The following HAUS3 variants were observed in gnomAD, a reference collection of about 807,000 sequenced individuals.
The protein encoded by HAUS3 is HAUS augmin like complex subunit 3, also known as HAUS augmin-like complex subunit 3.
HAUS3 carries 36 observed loss-of-function variants against 55.2 expected under a neutral mutation model. The ratio of observed to expected loss-of-function variants is 0.65; its 90% CI spans 0.50 to 0.86. The LOEUF is 0.86. Among genes scored for constraint, HAUS3 ranks in the 40% least tolerant of loss-of-function variants. The probability of loss-of-function intolerance (pLI) is 0.00; values close to 1 mark genes in which losing one functional copy is unlikely to be tolerated. For synonymous variants in HAUS3, 234 were observed against 238.6 expected (o/e 0.98, Z 0.18); for missense variants, 752 against 671.5 (o/e 1.12, Z -1.33).
rs1010541257 is a variant in HAUS3 at position 2,241,598 on chromosome 4, C to A, written c.-226G>T. ...GAGAACAGCAGGAGCAGCAGGGAAGCGCGCGGCCACAATTAAGGGTGCTTC... is the reference window on the plus strand; with the variant it reads ...GAGAACAGCAGGAGCAGCAGGGAAGAGCGCGGCCACAATTAAGGGTGCTTC... On this transcript the variant is annotated 5_prime_UTR_variant, in exon 2 of 6. Coordinates refer to ENST00000443786, the MANE Select transcript of HAUS3 (RefSeq NM_001303143.2). 1 of 985,646 alleles carries A rather than the reference C, an allele frequency of 1.0e-6. No individual in the cohort carries two copies. Among genetic ancestry groups the A allele is most frequent in the East Asian group, 1.1e-4 (1 of 8,818 alleles). 61.1% of individuals were successfully genotyped at this position (985,646 alleles called of 1,614,324 possible).
intron 5 of HAUS3, chr4:2,234,173 G>A (rs1734677169): frequency 6.6e-6 from 1 of 152,192 alleles, no homozygotes; most frequent in African/African-American, 2.4e-5. Flanking sequence ...ACTATTTAGA[G>A]AGTAAAAATG....
chr4:2,242,102 T>C lies in HAUS3; in HGVS notation c.-470A>G. On this transcript the variant is annotated 5_prime_UTR_variant, in exon 1 of 6. Transcript: ENST00000443786. ...AGGAGCCCGCCGCCACCGCCCTCCG[T>C]GCCCCGCGCGCCTCGCACTGCCTCA... The C allele has an allele frequency of 1.0e-6, 1 of 985,882 alleles. No homozygotes were observed. 61.1% of individuals were successfully genotyped at this position (985,882 alleles called of 1,614,324 possible).
rs1243207240 is a variant in HAUS3, at chr4:2,231,803, GTTCAA to G, written c.*119_*123del. ...AGAAAAAAGACAAATTAATATAATA[GTTCAA>G]TTCATCAAATTAAATGTTCCATTGA... On this transcript the variant is annotated 3_prime_UTR_variant, in exon 6 of 6. Transcript: ENST00000443786. 6.0e-5 allele frequency: 36 copies of G among 598,224 alleles called. No individual in the cohort carries two copies. Among genetic ancestry groups the G allele is most frequent in the African/African-American group, 3.9e-4 (20 of 50,882 alleles). 37.1% of individuals were successfully genotyped at this position (598,224 alleles called of 1,614,324 possible).
At position 2,238,804 on chromosome 4, in the gene HAUS3, T is replaced by C. The variant is rs1392178401; in HGVS notation, c.1149A>G (p.Ser383=). The change falls in exon 4 of 6, where the codon TCA becomes TCG. Residue 383 remains serine, a synonymous_variant. Transcript: ENST00000443786. ...VLNQLIKQKA[S]FELLQLSYEI... is the part of the protein sequence containing the mutation. ...CATATGATAACTGTAGAAGTTCAAA[T>C]GATGCCTTTTGTTTTATTAATTGAT... The C allele has an allele frequency of 1.2e-6, 2 of 1,613,510 alleles. No individual in the cohort carries two copies. The highest frequency in any genetic ancestry group is 1.7e-4 in the Middle Eastern group (1 of 6,056).
rs764528346 is a variant in HAUS3, at chr4:2,242,089, C to A, written c.-457G>T. The A allele has an allele frequency of 1.2e-5, 12 of 985,914 alleles. No individual in the cohort carries two copies. Among genetic ancestry groups the A allele is most frequent in the Non-Finnish European group, 1.3e-5 (11 of 830,288 alleles). 61.1% of individuals were successfully genotyped at this position (985,914 alleles called of 1,614,324 possible). A position where few individuals can be genotyped will look rare whatever the true frequency, so the allele number is the denominator to read the frequency against. On this transcript the variant is annotated 5_prime_UTR_variant, in exon 1 of 6. Coordinates refer to ENST00000443786, the MANE Select transcript of HAUS3 (RefSeq NM_001303143.2). ...GCTTGCTTCTCGCAGGAGCCCGCCGCCACCGCCCTCCGTGCCCCGCGCGCC... is the reference window on the plus strand; with the variant it reads ...GCTTGCTTCTCGCAGGAGCCCGCCGACACCGCCCTCCGTGCCCCGCGCGCC...
At position 2,238,679 on chromosome 4, in the gene HAUS3, A is replaced by T. The variant is rs995730198; in HGVS notation, c.1274T>A (p.Met425Lys). Residue 425 changes from methionine (M) to lysine (K), a missense_variant, in exon 4 of 6, where the codon ATG becomes AAG. Transcript: ENST00000443786. ...TTGAGAAACTGATGGATCTGTTAAC[A>T]TTTCTAATTGCTTGTAGAGCATCAT... Reference protein sequence around the residue: ...SNMMLYKQLEMLTDPSVSQQI... With the variant: ...SNMMLYKQLEKLTDPSVSQQI... 9.3e-6 allele frequency: 15 copies of T among 1,613,492 alleles called. No homozygotes were observed. The highest frequency in any genetic ancestry group is 1.3e-5 in the Non-Finnish European group (15 of 1,179,546).
intron 5 of HAUS3, among the ~76,000 whole-genome samples, chr4:2,232,760 A>C (rs1242470638): frequency 2.0e-5 from 3 of 152,176 alleles, no homozygotes; most frequent in Non-Finnish European, 2.9e-5. Context: ...TATTACAGTA[A>C]ATTCAAATTC....
chr4:2,240,192 T>C lies in HAUS3; in HGVS notation c.755A>G (p.Gln252Arg), dbSNP rs1443013065. ...TAGTCGTCTCTCCTCAAGGATTTCTTGATTATCACAAATAGATGGTGTCTG... is the reference window on the plus strand; with the variant it reads ...TAGTCGTCTCTCCTCAAGGATTTCTCGATTATCACAAATAGATGGTGTCTG... ...DIQTPSICDN[Q>R]EILEERRLEM... The change falls in exon 3 of 6, where the codon CAA becomes CGA. Residue 252 changes from glutamine to arginine, a missense_variant. Coordinates refer to ENST00000443786, the MANE Select transcript of HAUS3 (RefSeq NM_001303143.2). 1.2e-6 allele frequency: 2 copies of C among 1,614,086 alleles called. No homozygotes were observed. The highest frequency in any genetic ancestry group is 1.3e-5 in the African/African-American group (1 of 75,070).
chr4:2,240,263 T>G lies in HAUS3; in HGVS notation c.684A>C (p.Glu228Asp). The G allele has an allele frequency of 6.2e-7, 1 of 1,613,818 alleles. No individual in the cohort carries two copies. The highest frequency in any genetic ancestry group is 8.5e-7 in the Non-Finnish European group (1 of 1,179,772). Residue 228 changes from glutamate to aspartate, a missense_variant, in exon 3 of 6, where the codon GAA (glutamate) becomes GAC (aspartate). By Grantham distance (45) the Glu-to-Asp change is conservative. Transcript: ENST00000443786. Reference protein sequence around the residue: ...TKKQFFQGIHEVVESSNEDNF... With the variant: ...TKKQFFQGIHDVVESSNEDNF... The stretch of plus-strand genomic sequence containing the variant: ...TGTCTTCATTTGAACTTTCAACTAC[T>G]TCATGTATACCCTGAAAGAACTGTT...
rs959621135 is a variant in HAUS3 at position 2,228,855 on chromosome 4, G to C, written c.*3072C>G. The C allele has an allele frequency of 2.4e-5, 9 of 377,732 alleles. No homozygotes were observed. Among genetic ancestry groups the C allele is most frequent in the Non-Finnish European group, 4.2e-5 (9 of 211,794 alleles). 23.4% of individuals were successfully genotyped at this position (377,732 alleles called of 1,614,324 possible). ...TGAAAATACTAAAATACCTGATCCA[G>C]ATTCTAAGGGAATGTTTGACAGAAA... On this transcript the variant is annotated 3_prime_UTR_variant, in exon 6 of 6. Transcript: ENST00000443786.
At chr4:2,236,701 T>C (rs919069767) in intron 4 of HAUS3, among the ~76,000 whole-genome samples, 3 of 151,092 alleles carry the variant, frequency 2.0e-5, no homozygotes, top group African/African-American at 7.3e-5. Context: ...TCCACTAAAA[T>C]ACAAAAAAAA....
In HAUS3 at chr4:2,228,796, G is replaced by C. The variant is rs1474133007; in HGVS notation, c.*3131C>G. The C allele has an allele frequency of 3.7e-6, 1 of 271,756 alleles. No homozygotes were observed. Among genetic ancestry groups the C allele is most frequent in the Non-Finnish European group, 7.0e-6 (1 of 143,738 alleles). The allele number at this position is 271,756 out of a possible 1,614,324, so 16.8% of individuals were successfully genotyped here. ...AATAGCAAATACTATGTACAGGTTT[G>C]ATGACCTGAGAACCAAGATTAAAGC... is the stretch of plus-strand genomic sequence containing the variant. On this transcript the variant is annotated 3_prime_UTR_variant, in exon 6 of 6. Coordinates refer to ENST00000443786, the MANE Select transcript of HAUS3 (RefSeq NM_001303143.2).
intron 4 of HAUS3, among the ~76,000 whole-genome samples, 158 bp downstream of exon 4, chr4:2,238,445 GA>G (rs35945583): frequency 0.091 from 12,547 of 137,480 alleles, 781 homozygotes; most frequent in African/African-American, 0.18. Flanking sequence ...AACTAAAAAT[GA>G]AAAAAAAAAG....
intron 4 of HAUS3, among the ~76,000 whole-genome samples, chr4:2,237,139 G>GA (rs1332139965): frequency 6.6e-6 from 1 of 152,004 alleles, no homozygotes; most frequent in East Asian, 1.9e-4. Flanking sequence ...ATGTCTCATA[G>GA]AATATAACTA....
At chr4:2,235,320 C>T (rs1463639891) in intron 5 of HAUS3, among the ~76,000 whole-genome samples, 1 of 152,226 alleles carries the variant, frequency 6.6e-6, no homozygotes, top group East Asian at 1.9e-4. Context: ...AAACAAATCA[C>T]AGATACCACT....
intron 4 of HAUS3, 47 bp downstream of exon 4, chr4:2,238,557 A>G: frequency 2.3e-6 from 3 of 1,315,504 alleles, no homozygotes; most frequent in Non-Finnish European, 3.1e-6. Flanking sequence ...AGTATTTCGC[A>G]AAAACAAAAG....
intron 5 of HAUS3, 115 bp downstream of exon 5, chr4:2,236,113 A>T: frequency 1.6e-6 from 1 of 619,884 alleles, no homozygotes; most frequent in Non-Finnish European, 2.8e-6. Context: ...AATATACTTT[A>T]TATTAAGGCA....
chr4:2,229,909 T>C lies in HAUS3; in HGVS notation c.*2018A>G, dbSNP rs1344218636. 6.6e-6 allele frequency: 1 copy of C among 152,258 alleles called. No homozygotes were observed. The highest frequency in any genetic ancestry group is 1.5e-5 in the Non-Finnish European group (1 of 68,084). 9.4% of individuals were successfully genotyped at this position (152,258 alleles called of 1,614,324 possible). On this transcript the variant is annotated 3_prime_UTR_variant, in exon 6 of 6. Transcript: ENST00000443786. ...AACGATTATAAGTAACTTGGGTAAT[T>C]ACGGCAGACACACAACTACCATCCG...
Sources: allele counts gnomAD v4.1 joint callset (sites outside exome capture counted in the v4.1 genomes callset), GRCh38; gene constraint gnomAD v4.1.1; transcripts MANE v1.5; gene names NCBI Gene and HGNC (gene_info 2026-07-23, HGNC 2026-07-21).